AMIGO1: variants seen among roughly 807,000 people sequenced by gnomAD.
AMIGO1 encodes the protein adhesion molecule with Ig like domain 1.
For missense variants in AMIGO1, 361 were observed against 612.3 expected, an observed-to-expected ratio of 0.59 and a Z score of 4.33; for synonymous variants, 249 against 266.3, an observed-to-expected ratio of 0.93 and a Z score of 0.63.
rs1309604690 is a variant in AMIGO1, at chr1:109,508,397, G to T, written c.516C>A (p.Arg172=). 1 of 1,614,074 alleles carries T rather than the reference G, an allele frequency of 6.2e-7. No homozygotes were observed. Among genetic ancestry groups the T allele is most frequent in the Non-Finnish European group, 8.5e-7 (1 of 1,180,054 alleles). The part of the protein sequence containing the change: ...KLYLSQNQIS[R]FPLELVKEGA... ...CTTCCTTGACCAGTTCCAGAGGGAAGCGAGAGATCTGGTTCTGGCTCAAGT... is the reference window on the plus strand; with the variant it reads ...CTTCCTTGACCAGTTCCAGAGGGAATCGAGAGATCTGGTTCTGGCTCAAGT... Residue 172 remains arginine (R), a synonymous_variant, in exon 2 of 2, where the codon CGC becomes CGA. Coordinates refer to ENST00000369864, the MANE Select transcript of AMIGO1 (RefSeq NM_020703.4). The surrounding 1 kb of genome is among the most constrained non-coding windows in gnomAD (Gnocchi z 7.8).
At position 109,507,398 on chromosome 1, in the gene AMIGO1, C is replaced by G; in HGVS notation, c.*33G>C. On this transcript the variant is annotated 3_prime_UTR_variant, in exon 2 of 2. Transcript: ENST00000369864. This position sits in a 1 kb window ranked among gnomAD's most constrained non-coding sequence, Gnocchi z 4.7. The stretch of plus-strand genomic sequence containing the variant: ...ATCCTTCAGGGGTGCATTACCTCTC[C>G]TGGGGCAGAATCTCCCCACCAACCC... The G allele has an allele frequency of 6.4e-7, 1 of 1,560,756 alleles. No homozygotes were observed. Among genetic ancestry groups the G allele is most frequent in the Non-Finnish European group, 8.7e-7 (1 of 1,150,570 alleles).
Position 109,507,011 on chromosome 1 carries a change from C to A in AMIGO1, c.*420G>T, listed in dbSNP as rs981618374. The A allele has an allele frequency of 2.4e-5, 4 of 163,746 alleles. No homozygotes were observed. The highest frequency in any genetic ancestry group is 7.2e-5 in the African/African-American group (3 of 41,732). 10.1% of individuals were successfully genotyped at this position (163,746 alleles called of 1,614,324 possible). A position where few individuals can be genotyped will look rare whatever the true frequency, so the allele number is the denominator to read the frequency against. On this transcript the variant is annotated 3_prime_UTR_variant, in exon 2 of 2. Coordinates refer to ENST00000369864, the MANE Select transcript of AMIGO1 (RefSeq NM_020703.4). This position sits in a 1 kb window ranked among gnomAD's most constrained non-coding sequence, Gnocchi z 4.7. ...AGTGTGGCTCCTGTGGAAGCTCCCC[C>A]AACACACACAACATCACAGGTGTGG...
chr1:109,505,277 A>T lies in AMIGO1; in HGVS notation c.*2154T>A, dbSNP rs1175917785. 1.3e-5 allele frequency: 2 copies of T among 152,110 alleles called. No homozygotes were observed. The highest frequency in any genetic ancestry group is 4.8e-5 in the African/African-American group (2 of 41,376). The allele number at this position is 152,110 out of a possible 1,614,324, so 9.4% of individuals were successfully genotyped here. On this transcript the variant is annotated 3_prime_UTR_variant, in exon 2 of 2. Coordinates refer to ENST00000369864, the MANE Select transcript of AMIGO1 (RefSeq NM_020703.4). ...AGGCCTTCAACCCATGGTTCTTCTAACTCCAGCCTGGGCAGAAAAGTGATT... is the reference window on the plus strand; with the variant it reads ...AGGCCTTCAACCCATGGTTCTTCTATCTCCAGCCTGGGCAGAAAAGTGATT...
At chr1:109,509,091 C>A (rs551022242) in intron 1 of AMIGO1, 92 bp from the exon 2 acceptor site, 18 of 698,214 alleles carry the variant, frequency 2.6e-5, no homozygotes, top group South Asian at 7.9e-5. Flanking sequence ...ACCTCCACCC[C>A]CTTTGGGCTA....
rs1216747512 is a variant in AMIGO1 at position 109,509,014 on chromosome 1, G to C, written c.-87-15C>G. ...CGGAAGGGTCACTTGAGAGAAAGAG[G>C]ATGGGTTTGTGGTCACCAAGGACTC... On this transcript the variant is annotated splice_polypyrimidine_tract_variant and intron_variant, in intron 1 of 1. Transcript: ENST00000369864. 3 of 1,356,966 alleles carry C rather than the reference G, an allele frequency of 2.2e-6. No homozygotes were observed. Among genetic ancestry groups the C allele is most frequent in the Non-Finnish European group, 3.0e-6 (3 of 1,016,566 alleles). 84.1% of individuals were successfully genotyped at this position (1,356,966 alleles called of 1,614,324 possible).
In AMIGO1 at chr1:109,505,728, G is replaced by A. The variant is rs1438034801; in HGVS notation, c.*1703C>T. On this transcript the variant is annotated 3_prime_UTR_variant, in exon 2 of 2. Coordinates refer to ENST00000369864, the MANE Select transcript of AMIGO1 (RefSeq NM_020703.4). The stretch of plus-strand genomic sequence containing the variant: ...CCAAGCCCCTCACCCACAGGTAAAT[G>A]ACACCTCTTAGAATGTAAAAAGAGG... 1 of 152,118 alleles carries A rather than the reference G, an allele frequency of 6.6e-6. No individual in the cohort carries two copies. The highest frequency in any genetic ancestry group is 2.4e-5 in the African/African-American group (1 of 41,406). 9.4% of individuals were successfully genotyped at this position (152,118 alleles called of 1,614,324 possible).
chr1:109,508,083 G>A lies in AMIGO1; in HGVS notation c.830C>T (p.Ala277Val). ...GGTGTCACCCAGGTGGGCCTCCCAGGCACGCTCCTTGTACTCGCCACAGTT... is the reference window on the plus strand; with the variant it reads ...GGTGTCACCCAGGTGGGCCTCCCAGACACGCTCCTTGTACTCGCCACAGTT... ...FLNCGEYKER[A>V]WEAHLGDTLI... Residue 277 changes from alanine to valine, a missense_variant, in exon 2 of 2, where the codon GCC becomes GTC. By Grantham distance (64) the Ala-to-Val change is moderately conservative. Coordinates refer to ENST00000369864, the MANE Select transcript of AMIGO1 (RefSeq NM_020703.4). This position sits in a 1 kb window ranked among gnomAD's most constrained non-coding sequence, Gnocchi z 7.8. 1 of 1,614,146 alleles carries A rather than the reference G, an allele frequency of 6.2e-7. No homozygotes were observed. Among genetic ancestry groups the A allele is most frequent in the African/African-American group, 1.3e-5 (1 of 75,030 alleles).
In AMIGO1 at chr1:109,508,203, T is replaced by C; in HGVS notation, c.710A>G (p.Gln237Arg). The stretch of plus-strand genomic sequence containing the variant: ...CATCACGGAGCTCAGCTGCCGATAC[T>C]GCCAGTGTGAAAACAGCTGGTAGAG... ...CELYQLFSHW[Q>R]YRQLSSVMDF... The change falls in exon 2 of 2, where the codon CAG becomes CGG. Residue 237 changes from glutamine to arginine, a missense_variant. Transcript: ENST00000369864. The surrounding 1 kb of genome is among the most constrained non-coding windows in gnomAD (Gnocchi z 7.8). 6.2e-7 allele frequency: 1 copy of C among 1,614,162 alleles called. No individual in the cohort carries two copies. The highest frequency in any genetic ancestry group is 1.1e-5 in the South Asian group (1 of 91,086).
At position 109,509,706 on chromosome 1, in the gene AMIGO1, G is replaced by A. The variant is rs1658124598; in HGVS notation, c.-374C>T. 1 of 149,886 alleles carries A rather than the reference G, an allele frequency of 6.7e-6. No homozygotes were observed. Among genetic ancestry groups the A allele is most frequent in the Admixed American group, 6.6e-5 (1 of 15,056 alleles). 9.3% of individuals were successfully genotyped at this position (149,886 alleles called of 1,614,324 possible). A position where few individuals can be genotyped will look rare whatever the true frequency, so the allele number is the denominator to read the frequency against. On this transcript the variant is annotated 5_prime_UTR_variant, in exon 1 of 2. Coordinates refer to ENST00000369864, the MANE Select transcript of AMIGO1 (RefSeq NM_020703.4). ...GGAGGCGCAGCGATCCCAGCGGAGG[G>A]AGCGGCGTGGGGGCAGCGAGCACCG... is the stretch of plus-strand genomic sequence containing the variant.
Position 109,507,434 on chromosome 1 carries a change from C to T in AMIGO1, c.1479G>A (p.Val493=). The part of the protein sequence containing the change: ...SSVFSDTPIV[V] ...TCTCCCCACCAACCCATCCTGCTCA[C>T]ACCACAATGGGCGTATCAGAGAAGA... Residue 493 remains valine (V), a synonymous_variant, in exon 2 of 2, where the codon GTG becomes GTA. Coordinates refer to ENST00000369864, the MANE Select transcript of AMIGO1 (RefSeq NM_020703.4). The surrounding 1 kb of genome is among the most constrained non-coding windows in gnomAD (Gnocchi z 4.7). 1 of 1,596,800 alleles carries T rather than the reference C, an allele frequency of 6.3e-7. No individual in the cohort carries two copies. Among genetic ancestry groups the T allele is most frequent in the Non-Finnish European group, 8.5e-7 (1 of 1,169,684 alleles).
chr1:109,505,715 C>T lies in AMIGO1; in HGVS notation c.*1716G>A, dbSNP rs1403420291. ...ATAGTCAGGCCCTCCAAGCCCCTCA[C>T]CCACAGGTAAATGACACCTCTTAGA... On this transcript the variant is annotated 3_prime_UTR_variant, in exon 2 of 2. Coordinates refer to ENST00000369864, the MANE Select transcript of AMIGO1 (RefSeq NM_020703.4). 1 of 152,158 alleles carries T rather than the reference C, an allele frequency of 6.6e-6. No individual in the cohort carries two copies. 9.4% of individuals were successfully genotyped at this position (152,158 alleles called of 1,614,324 possible). A position where few individuals can be genotyped will look rare whatever the true frequency, so the allele number is the denominator to read the frequency against.
rs781431205 is a variant in AMIGO1, at chr1:109,505,529, A to C, written c.*1902T>G. 1.3e-5 allele frequency: 2 copies of C among 152,142 alleles called. No individual in the cohort carries two copies. The highest frequency in any genetic ancestry group is 2.9e-5 in the Non-Finnish European group (2 of 68,034). The allele number at this position is 152,142 out of a possible 1,614,324, so 9.4% of individuals were successfully genotyped here. On this transcript the variant is annotated 3_prime_UTR_variant, in exon 2 of 2. Coordinates refer to ENST00000369864, the MANE Select transcript of AMIGO1 (RefSeq NM_020703.4). ...GTGCTGGTGTGCATGCATACCTATA[A>C]GCATGCATACCTATGAGCATGCAGG...
In AMIGO1 at chr1:109,507,637, C is replaced by T; in HGVS notation, c.1276G>A (p.Asp426Asn). The change falls in exon 2 of 2, where the codon GAT (aspartate) becomes AAT (asparagine). Residue 426 changes from aspartate (D) to asparagine (N), a missense_variant. By Grantham distance (23) the Asp-to-Asn change is conservative. Coordinates refer to ENST00000369864, the MANE Select transcript of AMIGO1 (RefSeq NM_020703.4). The surrounding 1 kb of genome is among the most constrained non-coding windows in gnomAD (Gnocchi z 4.7). Reference sequence around the variant, plus strand: ...TCTTTGTCCCCACCAGCCATAGGATCATGGTTGGGTGTGGTACTAAGCATG... The same window carrying T: ...TCTTTGTCCCCACCAGCCATAGGATTATGGTTGGGTGTGGTACTAAGCATG... ...SSMLSTTPNH[D>N]PMAGGDKDDG... is the part of the protein sequence containing the mutation. 6.2e-7 allele frequency: 1 copy of T among 1,614,140 alleles called. No individual in the cohort carries two copies. Among genetic ancestry groups the T allele is most frequent in the Non-Finnish European group, 8.5e-7 (1 of 1,180,036 alleles).
Position 109,508,683 on chromosome 1 carries a change from C to G in AMIGO1, c.230G>C (p.Arg77Pro), listed in dbSNP as rs1658087829. The change falls in exon 2 of 2, where the codon CGG becomes CCG. Residue 77 changes from arginine (R) to proline (P), a missense_variant. Coordinates refer to ENST00000369864, the MANE Select transcript of AMIGO1 (RefSeq NM_020703.4). The surrounding 1 kb of genome is among the most constrained non-coding windows in gnomAD (Gnocchi z 7.8). ...CAGGCGCGTGGGGGTCCACTCGGCCCGCAGGCGGCTCAGGTTGTTGTGACT... is the reference window on the plus strand; with the variant it reads ...CAGGCGCGTGGGGGTCCACTCGGCCGGCAGGCGGCTCAGGTTGTTGTGACT... ...DLSHNNLSRL[R>P]AEWTPTRLTQ... is the part of the protein sequence containing the mutation. 1 of 1,614,116 alleles carries G rather than the reference C, an allele frequency of 6.2e-7. No homozygotes were observed. The highest frequency in any genetic ancestry group is 2.2e-5 in the East Asian group (1 of 44,872).
Position 109,507,556 on chromosome 1 carries a change from G to T in AMIGO1, c.1357C>A (p.Gln453Lys). 1 of 1,614,036 alleles carries T rather than the reference G, an allele frequency of 6.2e-7. No homozygotes were observed. Among genetic ancestry groups the T allele is most frequent in the Middle Eastern group, 1.6e-4 (1 of 6,062 alleles). ...TTGCCTGGCTTGAGCTTGCCGTTTTGACCCTGCCCAGGTCCAGCAGGTTCC... is the reference window on the plus strand; with the variant it reads ...TTGCCTGGCTTGAGCTTGCCGTTTTTACCCTGCCCAGGTCCAGCAGGTTCC... ...FLEPAGPGQG[Q>K]NGKLKPGNTL... The change falls in exon 2 of 2, where the codon CAA becomes AAA. Residue 453 changes from glutamine (Q) to lysine (K), a missense_variant. Transcript: ENST00000369864. This position sits in a 1 kb window ranked among gnomAD's most constrained non-coding sequence, Gnocchi z 4.7.
rs1657982137 is a variant in AMIGO1 at position 109,505,160 on chromosome 1, A to C, written c.*2271T>G. The stretch of plus-strand genomic sequence containing the variant: ...TCCTTCAATGACCTAGTTCTATCTT[A>C]ATTGCTCATATATTGCTCATATATA... On this transcript the variant is annotated 3_prime_UTR_variant, in exon 2 of 2. Coordinates refer to ENST00000369864, the MANE Select transcript of AMIGO1 (RefSeq NM_020703.4). 1 of 152,168 alleles carries C rather than the reference A, an allele frequency of 6.6e-6. No homozygotes were observed. The highest frequency in any genetic ancestry group is 6.5e-5 in the Admixed American group (1 of 15,280). 9.4% of individuals were successfully genotyped at this position (152,168 alleles called of 1,614,324 possible).
rs964643054 is a variant in AMIGO1 at position 109,506,522 on chromosome 1, T to C, written c.*909A>G. On this transcript the variant is annotated 3_prime_UTR_variant, in exon 2 of 2. Coordinates refer to ENST00000369864, the MANE Select transcript of AMIGO1 (RefSeq NM_020703.4). Reference sequence around the variant, plus strand: ...GTGAAGTGGGCCCATGTACCACGTCTGTGGCAGGCATCCATAAAAGCTCTG... The same window carrying C: ...GTGAAGTGGGCCCATGTACCACGTCCGTGGCAGGCATCCATAAAAGCTCTG... 1 of 152,252 alleles carries C rather than the reference T, an allele frequency of 6.6e-6. No individual in the cohort carries two copies. The highest frequency in any genetic ancestry group is 2.1e-4 in the South Asian group (1 of 4,838). 9.4% of individuals were successfully genotyped at this position (152,252 alleles called of 1,614,324 possible).
rs1188894971 is a variant in AMIGO1 at position 109,507,473 on chromosome 1, T to C, written c.1440A>G (p.Glu480=). 6.2e-7 allele frequency: 1 copy of C among 1,613,242 alleles called. No individual in the cohort carries two copies. Among genetic ancestry groups the C allele is most frequent in the South Asian group, 1.1e-5 (1 of 90,982 alleles). The change falls in exon 2 of 2, where the codon GAA becomes GAG. Residue 480 remains glutamate, a synonymous_variant. Transcript: ENST00000369864. The surrounding 1 kb of genome is among the most constrained non-coding windows in gnomAD (Gnocchi z 4.7). ...GKGQRRMSDP[E]SVSSVFSDTP... ...TATCAGAGAAGACCGAGCTGACTGATTCTGGATCCGACATCCTCCGTTGGC... is the reference window on the plus strand; with the variant it reads ...TATCAGAGAAGACCGAGCTGACTGACTCTGGATCCGACATCCTCCGTTGGC...
rs956989349 is a variant in AMIGO1, at chr1:109,505,031, C to A, written c.*2400G>T. ...TTCCTATAGCTCCAGTAACAAAATT[C>A]TCAGGAGTCTCTGGAATAAATCAAG... On this transcript the variant is annotated 3_prime_UTR_variant, in exon 2 of 2. Coordinates refer to ENST00000369864, the MANE Select transcript of AMIGO1 (RefSeq NM_020703.4). 18 of 152,178 alleles carry A rather than the reference C, an allele frequency of 1.2e-4. No individual in the cohort carries two copies. Among genetic ancestry groups the A allele is most frequent in the Admixed American group, 1.1e-3 (17 of 15,276 alleles). The allele number at this position is 152,178 out of a possible 1,614,324, so 9.4% of individuals were successfully genotyped here.
Sources: gnomAD v4.1 joint callset for allele counts on GRCh38, gnomAD v4.1.1 for gene constraint, Gnocchi (gnomAD v3.1) non-coding constraint, MANE v1.5 for transcripts, NCBI Gene and HGNC (gene_info 2026-07-23, HGNC 2026-07-21) for gene names.